The following RASA1 variants were observed in gnomAD, a reference collection of about 807,000 sequenced individuals.
RASA1 encodes the protein RAS p21 protein activator 1.
Under a neutral mutation model 132.2 loss-of-function variants are expected in RASA1, and 25 were observed. The observed-to-expected ratio is 0.19, with a 90% CI of 0.14 to 0.26. The LOEUF (loss-of-function observed/expected upper bound fraction) is 0.26, where lower values mean the gene tolerates loss of function less well. RASA1 is among the 10% of genes least tolerant of loss of function. The pLI is 1.00. For synonymous variants in RASA1, 477 were observed against 449.9 expected (o/e 1.06, Z -0.76); for missense variants, 964 against 1,299.2 (o/e 0.74, Z 3.97).
intron 1 of RASA1, among the ~76,000 whole-genome samples, chr5:87,274,999 TG>T (rs1754004242): frequency 6.6e-6 from 1 of 152,186 alleles, no homozygotes; most frequent in South Asian, 2.1e-4. Flanking sequence ...AGAATCGGTA[TG>T]GATCATTGAT....
intron 17 of RASA1, 110 bp from the exon 18 acceptor site, chr5:87,378,286 A>T: frequency 7.8e-7 from 1 of 1,283,118 alleles, no homozygotes; most frequent in African/African-American, 1.5e-5. Flanking sequence ...CGCAAAAAGC[A>T]CATTTAAGTG....
At chr5:87,349,994 A>G (rs745476766) in intron 8 of RASA1, among the ~76,000 whole-genome samples, 1 of 151,922 alleles carries the variant, frequency 6.6e-6, no homozygotes, top group Admixed American at 6.6e-5. Context: ...TCCTATAACT[A>G]ATAACTCTCT....
chr5:87,309,999 T>A (rs547915568), intron 1 of RASA1, among the ~76,000 whole-genome samples: 2 of 152,238 alleles, frequency 1.3e-5, no homozygotes, highest in South Asian at 4.2e-4. Flanking sequence ...TTCTACTTGT[T>A]GGGTGACTTG....
chr5:87,330,854 AG>A, intron 1 of RASA1: 1 of 735,300 alleles, frequency 1.4e-6, no homozygotes, highest in Non-Finnish European at 1.9e-6. Context: ...AAATTAAAAT[AG>A]CATCCTTTAG....
At chr5:87,316,805 T>A (rs1197261344) in intron 1 of RASA1, among the ~76,000 whole-genome samples, 1 of 152,176 alleles carries the variant, frequency 6.6e-6, no homozygotes, top group Non-Finnish European at 1.5e-5. Context: ...AAAAAGAGCT[T>A]TGGAAATTAA....
At chr5:87,273,917 C>T (rs1448520386) in intron 1 of RASA1, among the ~76,000 whole-genome samples, 3 of 152,096 alleles carry the variant, frequency 2.0e-5, no homozygotes, top group South Asian at 2.1e-4. Flanking sequence ...AGGCTGGTCT[C>T]GAACTCCTAA....
At chr5:87,324,632 T>C (rs1021544190) in intron 1 of RASA1, among the ~76,000 whole-genome samples, 1 of 152,152 alleles carries the variant, frequency 6.6e-6, no homozygotes, top group African/African-American at 2.4e-5. Context: ...CTGAGATAAA[T>C]ACATACACAC....
chr5:87,269,123 G>C (rs1753708157), intron 1 of RASA1, 133 bp downstream of exon 1: 1 of 1,613,460 alleles, frequency 6.2e-7, no homozygotes, highest in Non-Finnish European at 8.5e-7. Context: ...CAGGTTTCTT[G>C]GGTAGGAATT....
chr5:87,376,117 A>G (rs976552093), intron 15 of RASA1: 7 of 473,732 alleles, frequency 1.5e-5, no homozygotes, highest in Middle Eastern at 6.0e-4. Context: ...CAGTGCTGAA[A>G]CATAATTGAT....
intron 1 of RASA1, among the ~76,000 whole-genome samples, chr5:87,300,655 CAATTT>C (rs1561265313): frequency 6.6e-6 from 1 of 152,010 alleles, no homozygotes. Flanking sequence ...GTAATATCTA[CAATTT>C]AATTATTTTG....
At chr5:87,287,227 A>G (rs1339045808) in intron 1 of RASA1, among the ~76,000 whole-genome samples, 1 of 148,098 alleles carries the variant, frequency 6.8e-6, no homozygotes, top group Non-Finnish European at 1.5e-5. Flanking sequence ...CACCGTATAT[A>G]TACACACCAT....
At chr5:87,353,057 T>C (rs1580334430) in intron 8 of RASA1, 100 bp from the exon 9 acceptor site, 1 of 831,148 alleles carries the variant, frequency 1.2e-6, no homozygotes, top group Non-Finnish European at 2.0e-6. Context: ...TGAAAAAAAT[T>C]TGCTAATTAG....
At chr5:87,355,966 C>T (rs1759618158) in intron 9 of RASA1, among the ~76,000 whole-genome samples, 1 of 152,190 alleles carries the variant, frequency 6.6e-6, no homozygotes, top group Non-Finnish European at 1.5e-5. Context: ...AATTACTCCA[C>T]TTTTGTGATG....
intron 1 of RASA1, among the ~76,000 whole-genome samples, chr5:87,275,477 G>T (rs1754022640): frequency 6.6e-6 from 1 of 152,078 alleles, no homozygotes; most frequent in Admixed American, 6.5e-5. Context: ...CATAAATCTA[G>T]TGCCTCAACT....
chr5:87,333,244 C>CTT (rs564571974), intron 3 of RASA1, 23 bp from the exon 4 acceptor site: 28 of 1,220,898 alleles, frequency 2.3e-5, no homozygotes, highest in Admixed American at 1.1e-4. Flanking sequence ...CTTTTTAAAT[C>CTT]TTTTTTTTTT....
At chr5:87,274,344 T>C (rs1449981110) in intron 1 of RASA1, among the ~76,000 whole-genome samples, 2 of 152,204 alleles carry the variant, frequency 1.3e-5, no homozygotes, top group African/African-American at 4.8e-5. Flanking sequence ...AAATCATTCT[T>C]ATTAAGTCAA....
chr5:87,310,249 A>T (rs1038663375), intron 1 of RASA1, among the ~76,000 whole-genome samples: 3 of 152,040 alleles, frequency 2.0e-5, no homozygotes, highest in African/African-American at 7.2e-5. Flanking sequence ...GAAGAAAATA[A>T]GGAATTTTAA....
chr5:87,332,463 G>A (rs1757671508), intron 2 of RASA1, 44 bp from the exon 3 acceptor site: 2 of 1,546,710 alleles, frequency 1.3e-6, no homozygotes, highest in Non-Finnish European at 1.8e-6. Context: ...TTTAAAATTG[G>A]CTGTAAAGAT....
intron 1 of RASA1, among the ~76,000 whole-genome samples, chr5:87,325,970 C>A (rs376169205): frequency 8.6e-5 from 13 of 152,034 alleles, no homozygotes; most frequent in African/African-American, 1.2e-4. Flanking sequence ...CAGCCCCCCA[C>A]CCCCTTTTTT....
Sources: gnomAD v4.1 joint callset for allele counts (sites outside exome capture counted in the v4.1 genomes callset) on GRCh38, gnomAD v4.1.1 for gene constraint, MANE v1.5 for transcripts, NCBI Gene and HGNC (gene_info 2026-07-23, HGNC 2026-07-21) for gene names.